Variants in IL18RAP observed in about 807,000 individuals in gnomAD.
IL18RAP encodes interleukin-18 receptor accessory protein.
Under a neutral mutation model 58.1 loss-of-function variants are expected in IL18RAP, and 37 were observed. The observed-to-expected ratio is 0.64, with a 90% CI of 0.49 to 0.84. IL18RAP has a LOEUF of 0.84. Ranked by LOEUF, IL18RAP falls within the 40% of genes least tolerant of loss-of-function variation. IL18RAP has a pLI of 0.00. For synonymous variants in IL18RAP, 268 were observed against 257.5 expected, an observed-to-expected ratio of 1.04 and a Z score of -0.39; for missense variants, 667 against 704.8, an observed-to-expected ratio of 0.95 and a Z score of 0.61.
intron 3 of IL18RAP, among the ~76,000 whole-genome samples, chr2:102,432,591 G>A (rs1051538708): frequency 1.3e-5 from 2 of 152,144 alleles, no homozygotes; most frequent in African/African-American, 4.8e-5. Flanking sequence ...AGATGTGTGT[G>A]GGCTTGATCT....
upstream of IL18RAP, chr2:102,423,044 A>C (rs919943667): frequency 3.5e-6 from 2 of 568,744 alleles, no homozygotes; most frequent in Non-Finnish European, 6.3e-6. Flanking sequence ...GCTACACACC[A>C]TTGGAAATAC....
chr2:102,423,578 A>G (rs1366583463), intron 1 of IL18RAP, among the ~76,000 whole-genome samples: 2 of 152,184 alleles, frequency 1.3e-5, no homozygotes, highest in Non-Finnish European at 2.9e-5. Flanking sequence ...CTGACGAGGG[A>G]TGAGCCAGAG....
chr2:102,426,414 G>C (rs191265755), intron 3 of IL18RAP, among the ~76,000 whole-genome samples: 161 of 135,092 alleles, frequency 1.2e-3, no homozygotes, highest in South Asian at 3.0e-3. Context: ...TTAAGAACAG[G>C]CTTGCAGATT....
intron 5 of IL18RAP, among the ~76,000 whole-genome samples, chr2:102,442,242 AC>A (rs1683148990): frequency 6.6e-6 from 1 of 152,086 alleles, no homozygotes; most frequent in South Asian, 2.1e-4. Context: ...GTCTTTCTAC[AC>A]AGACAAATAA....
chr2:102,446,520 T>C (rs965196547), intron 7 of IL18RAP, among the ~76,000 whole-genome samples: 1 of 152,182 alleles, frequency 6.6e-6, no homozygotes, highest in African/African-American at 2.4e-5. Context: ...TCCTCATAGC[T>C]TAGCTCCCAT....
chr2:102,446,288 A>AT (rs921681550), intron 7 of IL18RAP, among the ~76,000 whole-genome samples: 10 of 152,208 alleles, frequency 6.6e-5, no homozygotes, highest in South Asian at 2.1e-4. Context: ...TCAAAATGTG[A>AT]TTTTTTAAAA....
intron 3 of IL18RAP, among the ~76,000 whole-genome samples, chr2:102,433,412 A>C (rs974875383): frequency 3.3e-5 from 5 of 152,076 alleles, no homozygotes; most frequent in Admixed American, 2.0e-4. Context: ...TTTGTAGAGA[A>C]GGGGTTTCAC....
Position 102,452,084 on chromosome 2 carries a change from C to T in IL18RAP, c.1703C>T (p.Thr568Met), listed in dbSNP as rs754276440. The T allele has an allele frequency of 1.4e-5, 22 of 1,613,946 alleles. No individual in the cohort carries two copies. Among genetic ancestry groups the T allele is most frequent in the East Asian group, 1.3e-4 (6 of 44,894 alleles). Residue 568 changes from threonine to methionine, a missense_variant, in exon 10 of 10, where the codon ACG becomes ATG. Thr to Met is a moderately conservative substitution (Grantham distance 81). Transcript: ENST00000687160. ...CCTGTGAAAAACTCTCAGGGATTCA[C>T]GTGGAACCAGCTCAGAATTACCTCT... ...HMPVKNSQGF[T>M]WNQLRITSRI... is the part of the protein sequence containing the mutation.
intron 9 of IL18RAP, among the ~76,000 whole-genome samples, chr2:102,451,264 TCTCCTGGCTTCG>T (rs1683748295): frequency 2.0e-5 from 3 of 152,110 alleles, no homozygotes; most frequent in Admixed American, 6.5e-5. Context: ...CAAAGATACC[TCTCCTGGCTTCG>T]CAGCTGAAGG....
In IL18RAP at chr2:102,450,920, T is replaced by A. The variant is rs142353075; in HGVS notation, c.1283T>A (p.Leu428Gln). Residue 428 changes from leucine to glutamine, a missense_variant, in exon 9 of 10, where the codon CTG becomes CAG. Coordinates refer to ENST00000687160, the MANE Select transcript of IL18RAP (RefSeq NM_001393487.1). ...TTTCCAAGTGAGGCCACTTCATCTC[T>A]GAGTGAAGAACACTTGGCCCTGAGC... ...SSFPSEATSS[L>Q]SEEHLALSLF... The A allele has an allele frequency of 2.1e-3, 3,358 of 1,613,044 alleles. 6 individuals are homozygous for A. The highest frequency in any genetic ancestry group is 2.3e-3 in the Non-Finnish European group (2,691 of 1,179,458).
At chr2:102,447,016 C>G in intron 7 of IL18RAP, 54 bp from the exon 8 acceptor site, 2 of 1,585,950 alleles carry the variant, frequency 1.3e-6, no homozygotes, top group Non-Finnish European at 1.7e-6. Context: ...TGAACATGGT[C>G]TTGGTCCAAT....
intron 9 of IL18RAP, among the ~76,000 whole-genome samples, 161 bp downstream of exon 9, chr2:102,451,182 G>A (rs758048763): frequency 3.3e-5 from 5 of 152,236 alleles, no homozygotes; most frequent in Non-Finnish European, 7.3e-5. Context: ...TTCCAGAGAT[G>A]TGTTCCATTA....
At chr2:102,446,829 T>C (rs1225595125) in intron 7 of IL18RAP, among the ~76,000 whole-genome samples, 1 of 151,030 alleles carries the variant, frequency 6.6e-6, no homozygotes, top group African/African-American at 2.4e-5. Context: ...TGAATAATGG[T>C]CTCCAACTCC....
rs11465717 is a variant in IL18RAP, at chr2:102,445,430, C to T, written c.1072+90C>T. ...TAAAGAATAGTAATAATGATGACAG[C>T]GATTACATTTTCTAGGTGACAGACA... On this transcript the variant is annotated intron_variant, in intron 7 of 9. Transcript: ENST00000687160. The T allele has an allele frequency of 7.0e-4, 912 of 1,305,080 alleles. 6 individuals carry two copies. The African/African-American group carries it at 0.012, about 18-fold the overall frequency. 80.8% of individuals were successfully genotyped at this position (1,305,080 alleles called of 1,614,324 possible). A position where few individuals can be genotyped will look rare whatever the true frequency, so the allele number is the denominator to read the frequency against.
At chr2:102,446,888 T>C (rs1573301672) in intron 7 of IL18RAP, among the ~76,000 whole-genome samples, 182 bp from the exon 8 acceptor site, 1 of 152,086 alleles carries the variant, frequency 6.6e-6, no homozygotes, top group South Asian at 2.1e-4. Context: ...TATGGCTAAG[T>C]AGTATTCCAT....
chr2:102,437,093 C>T (rs767525947), intron 3 of IL18RAP, 119 bp from the exon 4 acceptor site: 1 of 845,644 alleles, frequency 1.2e-6, no homozygotes, highest in South Asian at 1.8e-5. Flanking sequence ...TGTGAGATAC[C>T]CTTATCTCAG....
At chr2:102,436,811 G>A (rs1010019212) in intron 3 of IL18RAP, among the ~76,000 whole-genome samples, 1 of 138,234 alleles carries the variant, frequency 7.2e-6, no homozygotes, top group Non-Finnish European at 1.6e-5. Context: ...ATATATGTGT[G>A]TGTGTGTGTA....
At chr2:102,438,161 G>C (rs79486210) in intron 4 of IL18RAP, among the ~76,000 whole-genome samples, 1 of 152,072 alleles carries the variant, frequency 6.6e-6, no homozygotes, top group Non-Finnish European at 1.5e-5. Context: ...GTCTGTTTTT[G>C]TCCTAACCTT....
chr2:102,424,336 T>A lies in IL18RAP; in HGVS notation c.501T>A (p.Leu167=). Residue 167 remains leucine (L), a synonymous_variant, in exon 3 of 10, where the codon CTT becomes CTA. Coordinates refer to ENST00000687160, the MANE Select transcript of IL18RAP (RefSeq NM_001393487.1). ...CATCACATAAGCAAGACCTACTTCTTGGGAGCACTGGCTCTATTTCTTGCC... is the reference window on the plus strand; with the variant it reads ...CATCACATAAGCAAGACCTACTTCTAGGGAGCACTGGCTCTATTTCTTGCC... ...YSASHKQDLL[L]GSTGSISCPS... 1 of 1,614,098 alleles carries A rather than the reference T, an allele frequency of 6.2e-7. No individual in the cohort carries two copies. The highest frequency in any genetic ancestry group is 1.1e-5 in the South Asian group (1 of 91,086).
Sources: gnomAD v4.1 joint callset for allele counts (sites outside exome capture counted in the v4.1 genomes callset) on GRCh38, gnomAD v4.1.1 for gene constraint, MANE v1.5 for transcripts, NCBI Gene and HGNC (gene_info 2026-07-23, HGNC 2026-07-21) for gene names.